The following LRP12 variants were observed in gnomAD, a reference collection of about 807,000 sequenced individuals.
LRP12 encodes the protein low-density lipoprotein receptor-related protein 12.
LRP12 carries 14 observed loss-of-function variants against 66.0 expected under a neutral mutation model. The observed-to-expected ratio is 0.21, with a 90% CI of 0.14 to 0.33. The LOEUF (loss-of-function observed/expected upper bound fraction) is 0.33. Among genes scored for constraint, LRP12 ranks in the 10% least tolerant of loss-of-function variants. The pLI is 1.00. For missense variants in LRP12, 889 were observed against 1,053.4 expected (o/e 0.84, Z 2.16); for synonymous variants, 357 against 359.1 (o/e 0.99, Z 0.07).
chr8:104,502,351 T>C (rs1810839270), intron 3 of LRP12, among the ~76,000 whole-genome samples: 1 of 152,234 alleles, frequency 6.6e-6, no homozygotes, highest in African/African-American at 2.4e-5. Flanking sequence ...GCCTTCCTGC[T>C]GTTACTTTCC....
chr8:104,554,330 G>A (rs1322613043), intron 1 of LRP12, among the ~76,000 whole-genome samples: 1 of 152,082 alleles, frequency 6.6e-6, no homozygotes, highest in East Asian at 1.9e-4. Context: ...GCTACTCAAA[G>A]AGGCATCAGA....
At chr8:104,512,904 T>C (rs1811018512) in intron 2 of LRP12, among the ~76,000 whole-genome samples, 1 of 152,200 alleles carries the variant, frequency 6.6e-6, no homozygotes, top group African/African-American at 2.4e-5. Context: ...TTTATAACAT[T>C]ATTTTAAAAT....
At chr8:104,548,294 T>TA (rs1211725163) in intron 1 of LRP12, among the ~76,000 whole-genome samples, 37 of 62,514 alleles carry the variant, frequency 5.9e-4, no homozygotes, top group African/African-American at 3.4e-3. Flanking sequence ...ATATCATATA[T>TA]TTATATAATA....
intron 1 of LRP12, among the ~76,000 whole-genome samples, chr8:104,575,488 G>C (rs545253344): frequency 5.3e-5 from 8 of 152,178 alleles, no homozygotes; most frequent in Non-Finnish European, 1.2e-4. Context: ...CCAGAGTTAA[G>C]AGCAAGCCGT....
intron 3 of LRP12, chr8:104,504,596 T>C (rs1025001061): frequency 6.6e-6 from 1 of 152,174 alleles, no homozygotes; most frequent in Non-Finnish European, 1.5e-5. Flanking sequence ...TACAGGTTTA[T>C]TTTTTTCTTT....
At chr8:104,568,708 A>G (rs998219726) in intron 1 of LRP12, among the ~76,000 whole-genome samples, 2 of 152,182 alleles carry the variant, frequency 1.3e-5, no homozygotes, top group Non-Finnish European at 2.9e-5. Context: ...AGGGAGATGA[A>G]AATCAAAACC....
At chr8:104,494,986 C>A (rs956692544) in intron 6 of LRP12, 91 bp downstream of exon 6, 1 of 1,177,746 alleles carries the variant, frequency 8.5e-7, no homozygotes, top group Non-Finnish European at 1.2e-6. Context: ...TGCAAAAATT[C>A]TGACAGTCAA....
intron 1 of LRP12, among the ~76,000 whole-genome samples, chr8:104,572,524 A>T (rs1477764689): frequency 5.9e-5 from 9 of 152,240 alleles, no homozygotes; most frequent in Non-Finnish European, 1.3e-4. Flanking sequence ...CATGAAACCA[A>T]GAGCTGGTTC....
intron 1 of LRP12, among the ~76,000 whole-genome samples, chr8:104,571,484 G>A (rs972429166): frequency 4.6e-5 from 7 of 152,204 alleles, no homozygotes; most frequent in African/African-American, 1.4e-4. Context: ...GTAATTGTGA[G>A]TGAGTTCTCA....
chr8:104,507,410 G>C (rs1447074998), intron 3 of LRP12: 3 of 152,136 alleles, frequency 2.0e-5, no homozygotes, highest in South Asian at 4.2e-4. Flanking sequence ...GAAATCTCAA[G>C]GATGCAATAC....
intron 1 of LRP12, among the ~76,000 whole-genome samples, chr8:104,571,595 C>T (rs1437270083): frequency 6.6e-6 from 1 of 152,168 alleles, no homozygotes; most frequent in Non-Finnish European, 1.5e-5. Context: ...TCACCTTCCA[C>T]CATAAGTTTC....
intron 3 of LRP12, among the ~76,000 whole-genome samples, chr8:104,503,726 A>G (rs569331536): frequency 6.6e-6 from 1 of 152,160 alleles, no homozygotes; most frequent in African/African-American, 2.4e-5. Context: ...ATTTTTTCCT[A>G]TCTGTGATCT....
chr8:104,533,547 C>CT (rs1811356269), intron 1 of LRP12, among the ~76,000 whole-genome samples: 1 of 152,068 alleles, frequency 6.6e-6, no homozygotes, highest in African/African-American at 2.4e-5. Context: ...TTAAGAAGCA[C>CT]TGGCAAGGTT....
At chr8:104,541,069 T>C (rs1453492560) in intron 1 of LRP12, among the ~76,000 whole-genome samples, 1 of 152,194 alleles carries the variant, frequency 6.6e-6, no homozygotes, top group African/African-American at 2.4e-5. Context: ...AGTTCAGTGT[T>C]TTTATATGTT....
chr8:104,492,780 A>T (rs1810658207), intron 6 of LRP12, among the ~76,000 whole-genome samples: 4 of 152,166 alleles, frequency 2.6e-5, no homozygotes. Flanking sequence ...TTTGGATATC[A>T]GCACACATGG....
chr8:104,538,234 C>A (rs1052992636), intron 1 of LRP12, among the ~76,000 whole-genome samples: 1 of 152,158 alleles, frequency 6.6e-6, no homozygotes, highest in Admixed American at 6.5e-5. Flanking sequence ...TAGCTACTAT[C>A]GCATTTTCCC....
rs113218767 is a variant in LRP12 at position 104,577,393 on chromosome 8, T to C, written c.79+11426A>G. Among the ~76,000 whole-genome samples the C allele has an allele frequency of 4.1e-3, 629 of 152,238 alleles. 6 individuals are homozygous for C. The highest frequency in any genetic ancestry group is 0.014 in the African/African-American group (599 of 41,540). ...TAAAAAACAATCTCTTGAACCATAGTGCAATCAAATTAGGAATCAAGACTA... is the reference window on the plus strand; with the variant it reads ...TAAAAAACAATCTCTTGAACCATAGCGCAATCAAATTAGGAATCAAGACTA... On this transcript the variant is annotated intron_variant, in intron 1 of 6. Coordinates refer to ENST00000276654, the MANE Select transcript of LRP12 (RefSeq NM_013437.5).
chr8:104,509,602 G>C (rs1810963181), intron 2 of LRP12, among the ~76,000 whole-genome samples: 1 of 152,140 alleles, frequency 6.6e-6, no homozygotes. Flanking sequence ...CATTATGAAT[G>C]GCCTTGAAGC....
chr8:104,551,096 A>C (rs1048777073), intron 1 of LRP12, among the ~76,000 whole-genome samples: 1 of 151,994 alleles, frequency 6.6e-6, no homozygotes, highest in Non-Finnish European at 1.5e-5. Flanking sequence ...CCTTGTACTT[A>C]TATATTTTGG....
Sources: allele counts gnomAD v4.1 joint callset (sites outside exome capture counted in the v4.1 genomes callset), GRCh38; gene constraint gnomAD v4.1.1; transcripts MANE v1.5; gene names NCBI Gene and HGNC (gene_info 2026-07-23, HGNC 2026-07-21).